ESF1: variants seen among roughly 807,000 people sequenced by gnomAD.
ESF1 encodes ESF1 homolog.
ESF1 carries 58 observed loss-of-function variants against 92.0 expected under a neutral mutation model. That is an observed-to-expected ratio of 0.63 (90% CI 0.51 to 0.78). ESF1 has a LOEUF of 0.78. Ranked by LOEUF, ESF1 falls within the 30% of genes least tolerant of loss-of-function variation. ESF1 has a pLI of 0.00. For missense variants in ESF1, 922 were observed against 989.1 expected (o/e 0.93, Z 0.91); for synonymous variants, 321 against 313.7 (o/e 1.02, Z -0.24).
intron 11 of ESF1, among the ~76,000 whole-genome samples, chr20:13,723,211 G>A (rs369138124): frequency 4.6e-5 from 7 of 152,306 alleles, no homozygotes; most frequent in African/African-American, 1.7e-4. Context: ...GCAGATGGAT[G>A]TGGTCTCAGT....
At position 13,775,939 on chromosome 20, in the gene ESF1, A is replaced by G; in HGVS notation, c.969T>C (p.Phe323=). 2 of 1,613,810 alleles carry G rather than the reference A, an allele frequency of 1.2e-6. No homozygotes were observed. Among genetic ancestry groups the G allele is most frequent in the Non-Finnish European group, 1.7e-6 (2 of 1,179,886 alleles). The change falls in exon 3 of 14, where the codon TTT becomes TTC. Residue 323 remains phenylalanine, a synonymous_variant. Transcript: ENST00000617257. ...CATGCTCAAAACCAGATTCTTCTGG[A>G]AACAAATCTGCCGTATCATCTTCAT... is the stretch of plus-strand genomic sequence containing the variant. The part of the protein sequence containing the change: ...SEDEDDTADL[F]PEESGFEHAW...
chr20:13,766,426 A>C (rs1979428002), intron 8 of ESF1, among the ~76,000 whole-genome samples: 1 of 152,194 alleles, frequency 6.6e-6, no homozygotes, highest in Non-Finnish European at 1.5e-5. Flanking sequence ...AGTTGAAAAA[A>C]TGGAACGTAA....
At chr20:13,767,660 A>T (rs1008742451) in intron 7 of ESF1, among the ~76,000 whole-genome samples, 1 of 152,222 alleles carries the variant, frequency 6.6e-6, no homozygotes, top group Non-Finnish European at 1.5e-5. Context: ...AGTGGGGTCC[A>T]TTTTAAAAAA....
intron 11 of ESF1, among the ~76,000 whole-genome samples, chr20:13,724,878 C>G (rs1188791457): frequency 6.6e-6 from 1 of 152,250 alleles, no homozygotes; most frequent in Admixed American, 6.5e-5. Flanking sequence ...TTTGAAAAGC[C>G]ATGTCCAGCA....
chr20:13,771,403 T>C lies in ESF1; in HGVS notation c.1331A>G (p.Glu444Gly), dbSNP rs1979676576. 4 of 1,613,026 alleles carry C rather than the reference T, an allele frequency of 2.5e-6. No homozygotes were observed. The South Asian group carries it at 4.4e-5, about 18-fold the overall frequency. Residue 444 changes from glutamate to glycine, a missense_variant, in exon 6 of 14, where the codon GAA becomes GGA. Transcript: ENST00000617257. ...ATCCTCATAAATTTTACTAGCTGTTTCCGGAGAATCACAGTCTACTACTGC... is the reference window on the plus strand; with the variant it reads ...ATCCTCATAAATTTTACTAGCTGTTCCCGGAGAATCACAGTCTACTACTGC... Reference protein sequence around the residue: ...YYAVVDCDSPETASKIYEDCD... With the variant: ...YYAVVDCDSPGTASKIYEDCD...
chr20:13,728,491 AAATTTCATTATTACAAG>A (rs1194174519), intron 10 of ESF1, 26 bp from the exon 11 acceptor site: 1 of 1,469,116 alleles, frequency 6.8e-7, no homozygotes, highest in Non-Finnish European at 9.3e-7. Context: ...TAAAAATACA[AAATTTCATTATTACAAG>A]AATTATAATA....
chr20:13,756,504 A>G (rs1488029163), intron 9 of ESF1, among the ~76,000 whole-genome samples: 1 of 152,234 alleles, frequency 6.6e-6, no homozygotes, highest in Non-Finnish European at 1.5e-5. Context: ...ATTTGGCAAT[A>G]ACTTCAAGAC....
At chr20:13,726,890 A>C (rs1483122992) in intron 11 of ESF1, among the ~76,000 whole-genome samples, 1 of 152,226 alleles carries the variant, frequency 6.6e-6, no homozygotes, top group Non-Finnish European at 1.5e-5. Context: ...CACACACACA[A>C]AAACAGAAAA....
chr20:13,739,316 C>T (rs1193296816), intron 9 of ESF1, among the ~76,000 whole-genome samples: 1 of 152,144 alleles, frequency 6.6e-6, no homozygotes, highest in Non-Finnish European at 1.5e-5. Flanking sequence ...TGATGTCTTC[C>T]ACTTACAATC....
chr20:13,726,078 G>A (rs2049898787), intron 11 of ESF1, among the ~76,000 whole-genome samples: 1 of 152,094 alleles, frequency 6.6e-6, no homozygotes, highest in East Asian at 1.9e-4. Flanking sequence ...TTCCACGAGC[G>A]GCATGCCAGG....
At position 13,783,197 on chromosome 20, in the gene ESF1, C is replaced by G; in HGVS notation, c.-43-14G>C. The G allele has an allele frequency of 6.6e-7, 1 of 1,513,430 alleles. No individual in the cohort carries two copies. Among genetic ancestry groups the G allele is most frequent in the African/African-American group, 1.4e-5 (1 of 71,714 alleles). The allele number at this position is 1,513,430 out of a possible 1,614,324, so 93.8% of individuals were successfully genotyped here. ...AGAAAACAAATACTGAAAAATAAAA[C>G]AAATGTTTTAATGGTAATAATGGTT... On this transcript the variant is annotated splice_polypyrimidine_tract_variant and intron_variant, in intron 1 of 13. Coordinates refer to ENST00000617257, the MANE Select transcript of ESF1 (RefSeq NM_001276380.2).
chr20:13,743,438 T>C (rs778569637), intron 9 of ESF1, among the ~76,000 whole-genome samples: 7 of 152,200 alleles, frequency 4.6e-5, no homozygotes, highest in South Asian at 2.1e-4. Context: ...CCTATGTTCA[T>C]TGCAGCATTA....
intron 9 of ESF1, among the ~76,000 whole-genome samples, chr20:13,740,848 T>C (rs1044682040): frequency 1.6e-4 from 25 of 152,208 alleles, no homozygotes; most frequent in Non-Finnish European, 1.3e-4. Flanking sequence ...TTAGTCACAC[T>C]GGCTTCCTGA....
chr20:13,760,523 C>T (rs1362552582), intron 8 of ESF1, among the ~76,000 whole-genome samples: 2 of 151,476 alleles, frequency 1.3e-5, no homozygotes, highest in Admixed American at 6.6e-5. Flanking sequence ...ACCCGGCAGC[C>T]ACCCCGTCTG....
chr20:13,737,886 C>T (rs1483986181), intron 9 of ESF1, among the ~76,000 whole-genome samples: 1 of 152,250 alleles, frequency 6.6e-6, no homozygotes, highest in African/African-American at 2.4e-5. Flanking sequence ...GAACTCCTGA[C>T]CTCAGGTGAT....
intron 13 of ESF1, among the ~76,000 whole-genome samples, chr20:13,716,044 C>A (rs1329814839): frequency 6.6e-6 from 1 of 152,190 alleles, no homozygotes; most frequent in Non-Finnish European, 1.5e-5. Flanking sequence ...ATATGTGAAA[C>A]TGACTCAAAC....
chr20:13,758,240 A>T (rs2147759674), intron 9 of ESF1, among the ~76,000 whole-genome samples: 1 of 152,342 alleles, frequency 6.6e-6, no homozygotes, highest in East Asian at 1.9e-4. Context: ...CTTCATTTAC[A>T]TATTCTGCAA....
chr20:13,778,857 C>T (rs1303707640), intron 2 of ESF1, among the ~76,000 whole-genome samples: 1 of 152,052 alleles, frequency 6.6e-6, no homozygotes, highest in African/African-American at 2.4e-5. Context: ...CAAGCCTGGG[C>T]AACATGGCAA....
At chr20:13,746,888 T>C (rs1215089155) in intron 9 of ESF1, among the ~76,000 whole-genome samples, 1 of 152,228 alleles carries the variant, frequency 6.6e-6, no homozygotes, top group African/African-American at 2.4e-5. Context: ...GGTGAGTTTA[T>C]ATAAGTTAAC....
Sources: allele counts gnomAD v4.1 joint callset (sites outside exome capture counted in the v4.1 genomes callset), GRCh38; gene constraint gnomAD v4.1.1; transcripts MANE v1.5; gene names NCBI Gene and HGNC (gene_info 2026-07-23, HGNC 2026-07-21).